Variants in TRIM24 observed in about 807,000 individuals in gnomAD.
TRIM24 encodes transcription intermediary factor 1-alpha.
A neutral mutation model predicts 123.9 loss-of-function variants in TRIM24; 29 were observed. The ratio of observed to expected loss-of-function variants is 0.23; its 90% CI spans 0.17 to 0.32. The LOEUF (loss-of-function observed/expected upper bound fraction) is 0.32. Ranked by LOEUF, TRIM24 falls within the 10% of genes least tolerant of loss-of-function variation. TRIM24 has a pLI of 1.00. For synonymous variants in TRIM24, 456 were observed against 461.1 expected (o/e 0.99, Z 0.14); for missense variants, 932 against 1,295.3 (o/e 0.72, Z 4.31).
intron 9 of TRIM24, among the ~76,000 whole-genome samples, chr7:138,560,927 C>T (rs1156955351): frequency 6.6e-6 from 1 of 152,152 alleles, no homozygotes; most frequent in East Asian, 1.9e-4. Context: ...CTCTAGTGTT[C>T]CTGCCTTTTG....
chr7:138,562,597 G>GA lies in TRIM24; in HGVS notation c.1531-4884_1531-4883insA, dbSNP rs1797449735. ...CTAAGTGTTTGTGAACACCTCATAT[G>GA]GCTTCCGGGAAAACCAGGTACTGGC... On this transcript the variant is annotated intron_variant, in intron 9 of 18. Transcript: ENST00000343526. 2.6e-5 allele frequency among the ~76,000 whole-genome samples: 4 copies of GA among 152,208 alleles called. No individual in the cohort carries two copies. The South Asian group carries it at 8.3e-4, about 32-fold the overall frequency.
intron 1 of TRIM24, among the ~76,000 whole-genome samples, chr7:138,480,964 ACT>A (rs1795513646): frequency 6.6e-6 from 1 of 150,486 alleles, no homozygotes; most frequent in African/African-American, 2.4e-5. Context: ...GGTTATTTAA[ACT>A]TTTTTTTTCA....
chr7:138,498,371 C>T (rs1273856324), intron 1 of TRIM24, among the ~76,000 whole-genome samples: 1 of 151,644 alleles, frequency 6.6e-6, no homozygotes, highest in Non-Finnish European at 1.5e-5. Flanking sequence ...ATTACAGGCG[C>T]CTGCCATCAC....
At chr7:138,500,192 C>T (rs563766759) in intron 1 of TRIM24, among the ~76,000 whole-genome samples, 103 of 152,280 alleles carry the variant, frequency 6.8e-4, no homozygotes, top group African/African-American at 2.3e-3. Flanking sequence ...GAAACTAAAA[C>T]TTCACAGAAA....
intron 2 of TRIM24, among the ~76,000 whole-genome samples, chr7:138,508,708 CGTGTGT>C (rs61703393): frequency 2.9e-5 from 4 of 136,188 alleles, no homozygotes; most frequent in Non-Finnish European, 3.2e-5. Context: ...CGCGTGTGTG[CGTGTGT>C]GTGTGCGTGT....
At chr7:138,565,529 C>T (rs547481455) in intron 9 of TRIM24, among the ~76,000 whole-genome samples, 5 of 152,184 alleles carry the variant, frequency 3.3e-5, no homozygotes, top group Non-Finnish European at 5.9e-5. Context: ...AGGTCTCTCC[C>T]GGCCTGGGGC....
chr7:138,516,812 T>C (rs965329772), intron 3 of TRIM24, among the ~76,000 whole-genome samples: 1 of 133,406 alleles, frequency 7.5e-6, no homozygotes, highest in Non-Finnish European at 1.6e-5. Flanking sequence ...AAAACCGTTT[T>C]GTTTTTTTTT....
At chr7:138,471,442 C>T (rs1304979934) in intron 1 of TRIM24, among the ~76,000 whole-genome samples, 1 of 151,976 alleles carries the variant, frequency 6.6e-6, no homozygotes, top group Non-Finnish European at 1.5e-5. Context: ...ATTATGAAAC[C>T]ACCTTATTTC....
chr7:138,504,423 T>G lies in TRIM24; in HGVS notation c.483+15T>G. The G allele has an allele frequency of 2.6e-6, 3 of 1,174,488 alleles. No individual in the cohort carries two copies. Among genetic ancestry groups the G allele is most frequent in the Non-Finnish European group, 1.2e-6 (1 of 850,548 alleles). 72.8% of individuals were successfully genotyped at this position (1,174,488 alleles called of 1,614,324 possible). ...AGTCAAATCAGGTAAGTGTATTACA[T>G]CTTGAACCTTTTGCCTGCCAGCTCT... On this transcript the variant is annotated intron_variant, in intron 2 of 18. Transcript: ENST00000343526.
At chr7:138,523,750 CAAAA>C (rs756103684) in intron 4 of TRIM24, among the ~76,000 whole-genome samples, 1 of 57,230 alleles carries the variant, frequency 1.7e-5, no homozygotes, top group Non-Finnish European at 3.3e-5. Context: ...GACTCCGTCT[CAAAA>C]AAAAAAAAAA....
intron 16 of TRIM24, 49 bp downstream of exon 16, chr7:138,580,743 T>C (rs1797876316): frequency 2.0e-6 from 3 of 1,533,498 alleles, no homozygotes; most frequent in East Asian, 2.3e-5. Flanking sequence ...AATATTGTAC[T>C]GTGGTACCTT....
At chr7:138,561,855 TC>T (rs1229950902) in intron 9 of TRIM24, among the ~76,000 whole-genome samples, 1 of 152,146 alleles carries the variant, frequency 6.6e-6, no homozygotes, top group Non-Finnish European at 1.5e-5. Context: ...GCTCCTTTTC[TC>T]CCCTCTTTTG....
chr7:138,544,957 C>T (rs1797071512), intron 7 of TRIM24, among the ~76,000 whole-genome samples: 1 of 152,152 alleles, frequency 6.6e-6, no homozygotes, highest in African/African-American at 2.4e-5. Context: ...ACTTTTTGAG[C>T]ACCATCATGA....
Position 138,584,960 on chromosome 7 carries a change from A to T in TRIM24, c.*9A>T, listed in dbSNP as rs766719518. On this transcript the variant is annotated 3_prime_UTR_variant, in exon 19 of 19. Transcript: ENST00000343526. ...GCCAGTTGCTTAAATAATATGCAGC[A>T]CCACTAGCTTGTGCTGGTTTTTAGA... 1 of 1,581,780 alleles carries T rather than the reference A, an allele frequency of 6.3e-7. No individual in the cohort carries two copies. The highest frequency in any genetic ancestry group is 1.2e-5 in the South Asian group (1 of 84,008).
chr7:138,512,446 C>A (rs945443123), intron 2 of TRIM24, among the ~76,000 whole-genome samples: 2 of 152,166 alleles, frequency 1.3e-5, no homozygotes, highest in African/African-American at 4.8e-5. Context: ...CTGCAGCAGG[C>A]TTCTGCTTGG....
At chr7:138,472,436 G>A (rs1051029106) in intron 1 of TRIM24, among the ~76,000 whole-genome samples, 11 of 152,164 alleles carry the variant, frequency 7.2e-5, no homozygotes, top group Non-Finnish European at 1.2e-4. Context: ...AAATACAGGT[G>A]TGTGTGTCCT....
At chr7:138,576,895 C>T (rs1797772851) in intron 13 of TRIM24, among the ~76,000 whole-genome samples, 1 of 152,198 alleles carries the variant, frequency 6.6e-6, no homozygotes, top group South Asian at 2.1e-4. Flanking sequence ...GAAAATTCCT[C>T]CTAGCTAGTG....
chr7:138,547,975 G>T (rs748729348), intron 7 of TRIM24, among the ~76,000 whole-genome samples: 1 of 152,180 alleles, frequency 6.6e-6, no homozygotes, highest in Non-Finnish European at 1.5e-5. Flanking sequence ...TAGCCAACGG[G>T]ATTTGCCGAC....
intron 1 of TRIM24, among the ~76,000 whole-genome samples, chr7:138,464,552 C>T (rs1420096081): frequency 6.6e-6 from 1 of 151,850 alleles, no homozygotes; most frequent in Non-Finnish European, 1.5e-5. Context: ...ATTGAAGGAT[C>T]TTTTATTTAT....
Sources: allele counts gnomAD v4.1 joint callset (sites outside exome capture counted in the v4.1 genomes callset), GRCh38; gene constraint gnomAD v4.1.1; transcripts MANE v1.5; gene names NCBI Gene and HGNC (gene_info 2026-07-23, HGNC 2026-07-21).